Variants in HAUS4 observed in about 807,000 individuals in gnomAD.
HAUS4 encodes HAUS augmin like complex subunit 4.
HAUS4 carries 34 observed loss-of-function variants against 50.6 expected under a neutral mutation model. That is an observed-to-expected ratio of 0.67 (90% CI 0.51 to 0.90). The LOEUF is 0.90. Among genes scored for constraint, HAUS4 ranks in the 40% least tolerant of loss-of-function variants. The pLI, the probability that HAUS4 is intolerant of heterozygous loss-of-function variation, is 0.00. For synonymous variants in HAUS4, 149 were observed against 161.4 expected (o/e 0.92, Z 0.58); for missense variants, 370 against 428.7 (o/e 0.86, Z 1.21).
chr14:22,952,644 T>C lies in HAUS4; in HGVS notation c.95A>G (p.Glu32Gly). The C allele has an allele frequency of 6.2e-7, 1 of 1,612,240 alleles. No individual in the cohort carries two copies. Among genetic ancestry groups the C allele is most frequent in the South Asian group, 1.1e-5 (1 of 90,634 alleles). ...GAAGTATGGGTTCTGTAACAGGTCC[T>C]CTTTACTCAGGTTACAAGGAGGAAG... ...KQLPPCNLSK[E>G]DLLQNPYFSK... Residue 32 changes from glutamate to glycine, a missense_variant, in exon 3 of 10, where the codon GAG becomes GGG. Glu to Gly is a moderately conservative substitution (Grantham distance 98). Transcript: ENST00000541587.
intron 1 of HAUS4, 124 bp from the exon 2 acceptor site, chr14:22,955,300 TAC>T: frequency 2.8e-6 from 2 of 722,972 alleles, no homozygotes; most frequent in Admixed American, 2.0e-5. Flanking sequence ...GGATGACTTT[TAC>T]AGAGGGCCTA....
intron 6 of HAUS4, among the ~76,000 whole-genome samples, chr14:22,950,061 G>T (rs761516525): frequency 6.6e-6 from 1 of 151,034 alleles, no homozygotes; most frequent in Non-Finnish European, 1.5e-5. Context: ...CTAGGAGGAG[G>T]AGCTTGCGGT....
chr14:22,948,835 C>T (rs899185488), intron 6 of HAUS4, among the ~76,000 whole-genome samples: 1 of 152,050 alleles, frequency 6.6e-6, no homozygotes, highest in African/African-American at 2.4e-5. Context: ...GCGCCCGGCC[C>T]GGACCTTAAT....
chr14:22,946,633 C>A lies in HAUS4; in HGVS notation c.984G>T (p.Glu328Asp), dbSNP rs1383181800. 16 of 1,613,758 alleles carry A rather than the reference C, an allele frequency of 9.9e-6. No homozygotes were observed. The highest frequency in any genetic ancestry group is 5.0e-5 in the Admixed American group (3 of 59,990). The change falls in exon 10 of 10, where the codon GAG becomes GAT. Residue 328 changes from glutamate (E) to aspartate (D), a missense_variant. Glu to Asp is a conservative substitution (Grantham distance 45). Coordinates refer to ENST00000541587, the MANE Select transcript of HAUS4 (RefSeq NM_001166269.2). The stretch of plus-strand genomic sequence containing the variant: ...GCCTGTCAAACTCCTCCCCAAGGAC[C>A]TCATAGGAGTTCAGGACCTGTCTTG... Reference protein sequence around the residue: ...ENSRQVLNSYEVLGEEFDRLV... With the variant: ...ENSRQVLNSYDVLGEEFDRLV...
intron 5 of HAUS4, 65 bp from the exon 6 acceptor site, chr14:22,950,475 T>C (rs2044732886): frequency 1.1e-6 from 1 of 929,896 alleles, no homozygotes; most frequent in Non-Finnish European, 1.8e-6. Flanking sequence ...TCTCAGCCAA[T>C]GAATACATGA....
chr14:22,946,579 CTGCT>C lies in HAUS4; in HGVS notation c.1034_1037del (p.Lys345ArgfsTer60). The C allele has an allele frequency of 1.9e-6, 3 of 1,614,102 alleles. No individual in the cohort carries two copies. Among genetic ancestry groups the C allele is most frequent in the African/African-American group, 1.3e-5 (1 of 75,030 alleles). Reference sequence around the variant, plus strand: ...GGGCCCACCGCTTGTTCTCTGTTGCCTGCTTGAGTACGGTGTACTCTTTCACCAG... The same window carrying C: ...GGGCCCACCGCTTGTTCTCTGTTGCCTGAGTACGGTGTACTCTTTCACCAG... On this transcript the variant is annotated frameshift_variant, in exon 10 of 10. Coordinates refer to ENST00000541587, the MANE Select transcript of HAUS4 (RefSeq NM_001166269.2). LOFTEE classifies it high-confidence loss of function.
Position 22,955,128 on chromosome 14 carries a change from A to G in HAUS4, c.27T>C (p.Pro9=). 2 of 1,612,306 alleles carry G rather than the reference A, an allele frequency of 1.2e-6. No individual in the cohort carries two copies. Among genetic ancestry groups the G allele is most frequent in the South Asian group, 2.2e-5 (2 of 91,046 alleles). ...GTTGAAGTATTTCCATCCCTTCTCC[A>G]GGTGAGCAGAAATCCCCGGATGCCA... MASGDFCS[P]GEGMEILQQV... The change falls in exon 2 of 10, where the codon CCT becomes CCC. Residue 9 remains proline (P), a synonymous_variant. Coordinates refer to ENST00000541587, the MANE Select transcript of HAUS4 (RefSeq NM_001166269.2).
intron 5 of HAUS4, 62 bp downstream of exon 5, chr14:22,951,493 T>G: frequency 6.3e-7 from 1 of 1,575,132 alleles, no homozygotes; most frequent in Non-Finnish European, 8.7e-7. Context: ...AAAAAAACAT[T>G]TTAAAGATAT....
chr14:22,947,029 C>A, intron 9 of HAUS4, 142 bp downstream of exon 9: 1 of 663,180 alleles, frequency 1.5e-6, no homozygotes. Context: ...AGCGAGCTGC[C>A]CACCTCGGCC....
intron 5 of HAUS4, among the ~76,000 whole-genome samples, chr14:22,951,201 C>CA (rs1382886718): frequency 6.6e-6 from 1 of 150,972 alleles, no homozygotes; most frequent in Non-Finnish European, 1.5e-5. Flanking sequence ...GACGAGGTCT[C>CA]ACTATGTTGC....
Position 22,950,389 on chromosome 14 carries a change from G to C in HAUS4, c.487C>G (p.Arg163Gly), listed in dbSNP as rs762181183. 4 of 1,611,820 alleles carry C rather than the reference G, an allele frequency of 2.5e-6. No homozygotes were observed. Among genetic ancestry groups the C allele is most frequent in the African/African-American group, 1.3e-5 (1 of 74,966 alleles). The change falls in exon 6 of 10, where the codon CGG becomes GGG. Residue 163 changes from arginine (R) to glycine (G), a missense_variant. Arg to Gly is a moderately radical substitution (Grantham distance 125). Transcript: ENST00000541587. ...TGCTCCTCTACTTCTTGCTGTAGCCGAGCCCTCATCCACACAAAATCCTAC... is the reference window on the plus strand; with the variant it reads ...TGCTCCTCTACTTCTTGCTGTAGCCCAGCCCTCATCCACACAAAATCCTAC... Reference protein sequence around the residue: ...LSEDFVWMRARLQQEVEEQLK... With the variant: ...LSEDFVWMRAGLQQEVEEQLK...
intron 6 of HAUS4, among the ~76,000 whole-genome samples, chr14:22,949,456 G>A (rs990801456): frequency 6.6e-6 from 1 of 151,064 alleles, no homozygotes; most frequent in Non-Finnish European, 1.5e-5. Context: ...GTGAACCTAG[G>A]AGGTGGAGTT....
Position 22,946,504 on chromosome 14 carries a change from G to A in HAUS4, c.*21C>T, listed in dbSNP as rs1225808385. Reference sequence around the variant, plus strand: ...GAGGCAGCAGCTATGCAGAAGCCATGTCTCCTGGCCCTGCCAGAGCTCAAC... The same window carrying A: ...GAGGCAGCAGCTATGCAGAAGCCATATCTCCTGGCCCTGCCAGAGCTCAAC... On this transcript the variant is annotated 3_prime_UTR_variant, in exon 10 of 10. Coordinates refer to ENST00000541587, the MANE Select transcript of HAUS4 (RefSeq NM_001166269.2). The A allele has an allele frequency of 1.9e-6, 3 of 1,595,018 alleles. No individual in the cohort carries two copies.
chr14:22,951,275 G>A (rs573998040), intron 5 of HAUS4, among the ~76,000 whole-genome samples: 94 of 151,954 alleles, frequency 6.2e-4, no homozygotes, highest in African/African-American at 2.1e-3. Context: ...AAAGTGCTAC[G>A]ATTATAGGCG....
intron 5 of HAUS4, 88 bp downstream of exon 5, chr14:22,951,467 A>G (rs1265639456): frequency 1.4e-6 from 2 of 1,461,796 alleles, no homozygotes; most frequent in Non-Finnish European, 1.9e-6. Flanking sequence ...TTTTACAAAA[A>G]CAATAAAGCT....
chr14:22,950,967 G>A (rs553393329), intron 5 of HAUS4, among the ~76,000 whole-genome samples: 22 of 152,232 alleles, frequency 1.4e-4, no homozygotes, highest in South Asian at 1.2e-3. Context: ...GTATTGACTT[G>A]AAAAGAAATC....
Position 22,951,727 on chromosome 14 carries a change from A to G in HAUS4, c.331-38T>C, listed in dbSNP as rs777027945. 1.9e-6 allele frequency: 3 copies of G among 1,569,434 alleles called. No homozygotes were observed. The South Asian group carries it at 3.5e-5, about 18-fold the overall frequency. On this transcript the variant is annotated intron_variant, in intron 4 of 9. Transcript: ENST00000541587. ...GAATAAAAAACAAAAAGAGGCAACT[A>G]TAAAACTTCTCCCACTCCACCTCTT...
chr14:22,952,426 A>G lies in HAUS4; in HGVS notation c.232T>C (p.Trp78Arg), dbSNP rs753450708. 2 of 1,613,992 alleles carry G rather than the reference A, an allele frequency of 1.2e-6. No homozygotes were observed. Among genetic ancestry groups the G allele is most frequent in the Admixed American group, 3.3e-5 (2 of 59,994 alleles). Residue 78 changes from tryptophan to arginine, a missense_variant, in exon 4 of 10, where the codon TGG becomes CGG. Transcript: ENST00000541587. ...WKEVRLHKTT[W>R]LRSEILHRVI... Reference sequence around the variant, plus strand: ...CTGTGTAAAATCTCAGACCTCAACCATGTTGTCTTATGCAGTCGAACTTCC... The same window carrying G: ...CTGTGTAAAATCTCAGACCTCAACCGTGTTGTCTTATGCAGTCGAACTTCC...
rs200789986 is a variant in HAUS4, at chr14:22,947,722, G to A, written c.718C>T (p.Arg240Cys). 8.7e-6 allele frequency: 14 copies of A among 1,614,002 alleles called. No individual in the cohort carries two copies. The East Asian group carries it at 1.1e-4, about 13-fold the overall frequency. ...AGCCTCTGCAGCAAAGTGAGGCAGCGGAGAAGCACCTGAGCCCAAGATGGA... is the reference window on the plus strand; with the variant it reads ...AGCCTCTGCAGCAAAGTGAGGCAGCAGAGAAGCACCTGAGCCCAAGATGGA... ...KSAAYSQVLL[R>C]CLTLLQRLLQ... Residue 240 changes from arginine (R) to cysteine (C), a missense_variant, in exon 8 of 10, where the codon CGC (arginine) becomes TGC (cysteine). Transcript: ENST00000541587.
Sources: allele counts gnomAD v4.1 joint callset (sites outside exome capture counted in the v4.1 genomes callset), GRCh38; gene constraint gnomAD v4.1.1; transcripts MANE v1.5; gene names NCBI Gene and HGNC (gene_info 2026-07-23, HGNC 2026-07-21).